Variants in SPTBN1 observed in about 807,000 individuals in gnomAD.
The protein encoded by SPTBN1 is spectrin beta, non-erythrocytic 1.
A neutral mutation model predicts 266.4 loss-of-function variants in SPTBN1; 32 were observed. The ratio of observed to expected loss-of-function variants is 0.12; its 90% CI spans 0.09 to 0.16. The LOEUF is 0.16. SPTBN1 is among the 10% of genes least tolerant of loss of function. The probability of loss-of-function intolerance (pLI) is 1.00; values close to 1 mark genes in which losing one functional copy is unlikely to be tolerated. For synonymous variants in SPTBN1, 1,336 were observed against 1,162.2 expected, an observed-to-expected ratio of 1.15 and a Z score of -3.04; for missense variants, 2,296 against 3,067.1, an observed-to-expected ratio of 0.75 and a Z score of 5.94.
At chr2:54,524,493 C>T (rs1376504423) in intron 1 of SPTBN1, among the ~76,000 whole-genome samples, 3 of 152,120 alleles carry the variant, frequency 2.0e-5, no homozygotes, top group African/African-American at 7.2e-5. Context: ...CAAAGCACAT[C>T]CACCTCTAAG....
At chr2:54,617,306 G>A (rs1407037143) in intron 5 of SPTBN1, among the ~76,000 whole-genome samples, 1 of 152,206 alleles carries the variant, frequency 6.6e-6, no homozygotes, top group African/African-American at 2.4e-5. Context: ...GGCCTCAGAG[G>A]TGTCTAGGTT....
intron 2 of SPTBN1, among the ~76,000 whole-genome samples, chr2:54,588,658 C>G (rs1474914806): frequency 6.6e-6 from 1 of 152,174 alleles, no homozygotes; most frequent in Non-Finnish European, 1.5e-5. Flanking sequence ...CTAGTGCACA[C>G]CTGGGCTTAC....
At chr2:54,468,683 G>A (rs1191584206) in intron 1 of SPTBN1, among the ~76,000 whole-genome samples, 1 of 152,182 alleles carries the variant, frequency 6.6e-6, no homozygotes, top group Non-Finnish European at 1.5e-5. Context: ...GTTTATTATA[G>A]CTGTTTCTCT....
chr2:54,645,845 C>T lies in SPTBN1; in HGVS notation c.4495-83C>T. 6.9e-7 allele frequency: 1 copy of T among 1,448,744 alleles called. No homozygotes were observed. Among genetic ancestry groups the T allele is most frequent in the South Asian group, 1.2e-5 (1 of 85,836 alleles). The allele number at this position is 1,448,744 out of a possible 1,614,324, so 89.7% of individuals were successfully genotyped here. On this transcript the variant is annotated intron_variant, in intron 21 of 35. Transcript: ENST00000356805. The surrounding 1 kb of genome is among the most constrained non-coding windows in gnomAD (Gnocchi z 4.3). ...ACTCTCTGAAGCTCACCCTTGCTGT[C>T]CCTCACTGCCCCTCACTGCTCGTTT...
rs536403074 is a variant in SPTBN1, at chr2:54,457,674, C to T, written c.-48+1156C>T. Among the ~76,000 whole-genome samples, 6 of 152,312 alleles carry T rather than the reference C, an allele frequency of 3.9e-5. No homozygotes were observed. The South Asian group carries it at 1.2e-3, about 32-fold the overall frequency. The stretch of plus-strand genomic sequence containing the variant: ...TCTCGCTGGCGGGGCTTGGCACGGC[C>T]GCTCGGCGCCTGCGGCCCCCGCCCG... On this transcript the variant is annotated intron_variant, in intron 1 of 35. Transcript: ENST00000356805.
chr2:54,638,363 C>A (rs1236149361), intron 18 of SPTBN1, among the ~76,000 whole-genome samples: 1 of 152,194 alleles, frequency 6.6e-6, no homozygotes, highest in Admixed American at 6.5e-5. Flanking sequence ...AAACTGGCTA[C>A]CAAGTAAGAA....
chr2:54,568,481 CTG>C (rs1451876574), intron 2 of SPTBN1, among the ~76,000 whole-genome samples: 1 of 150,728 alleles, frequency 6.6e-6, no homozygotes, highest in African/African-American at 2.4e-5. Flanking sequence ...TTTGAATAAA[CTG>C]GATTATTTTA....
intron 33 of SPTBN1, among the ~76,000 whole-genome samples, chr2:54,665,542 G>C (rs1004531195): frequency 6.6e-6 from 1 of 152,190 alleles, no homozygotes; most frequent in African/African-American, 2.4e-5. Flanking sequence ...CTGGAGGACA[G>C]GCATGTTTTC....
At chr2:54,574,214 G>C (rs1674298181) in intron 2 of SPTBN1, among the ~76,000 whole-genome samples, 1 of 152,106 alleles carries the variant, frequency 6.6e-6, no homozygotes, top group Non-Finnish European at 1.5e-5. Context: ...GAATGCTAGA[G>C]ATAGGGTCAG....
intron 10 of SPTBN1, among the ~76,000 whole-genome samples, 165 bp from the exon 11 acceptor site, chr2:54,624,639 G>A (rs532455014): frequency 3.3e-5 from 5 of 152,224 alleles, no homozygotes; most frequent in Admixed American, 2.6e-4. Flanking sequence ...AGAAAAACCC[G>A]TTTTTTTCCT....
intron 1 of SPTBN1, among the ~76,000 whole-genome samples, chr2:54,507,003 G>A (rs927618215): frequency 8.0e-5 from 12 of 150,662 alleles, no homozygotes; most frequent in African/African-American, 2.5e-5. Flanking sequence ...AGTTCTTACA[G>A]GTTTTGGAAT....
At chr2:54,562,327 A>G (rs1245703647) in intron 2 of SPTBN1, among the ~76,000 whole-genome samples, 1 of 152,114 alleles carries the variant, frequency 6.6e-6, no homozygotes, top group Non-Finnish European at 1.5e-5. Context: ...GAAGTTCCAG[A>G]GTCTAGCTTG....
chr2:54,669,785 C>T lies in SPTBN1; in HGVS notation c.*1216C>T, dbSNP rs1189113178. ...ACATTTTACAACCAGTCTGGGCTCACTTTTGCATTTTTTATGCATGTCTGG... is the reference window on the plus strand; with the variant it reads ...ACATTTTACAACCAGTCTGGGCTCATTTTTGCATTTTTTATGCATGTCTGG... On this transcript the variant is annotated 3_prime_UTR_variant, in exon 36 of 36. Transcript: ENST00000356805. 1 of 152,414 alleles carries T rather than the reference C, an allele frequency of 6.6e-6. No individual in the cohort carries two copies. The highest frequency in any genetic ancestry group is 1.5e-5 in the Non-Finnish European group (1 of 68,038). The allele number at this position is 152,414 out of a possible 1,614,324, so 9.4% of individuals were successfully genotyped here. A position where few individuals can be genotyped will look rare whatever the true frequency, so the allele number is the denominator to read the frequency against.
chr2:54,619,478 G>A (rs1033595595), intron 7 of SPTBN1, among the ~76,000 whole-genome samples: 1 of 151,918 alleles, frequency 6.6e-6, no homozygotes. Context: ...TTCAATCACC[G>A]CCCAGTATGA....
At chr2:54,630,127 G>A in intron 15 of SPTBN1, 98 bp downstream of exon 15, 3 of 1,471,104 alleles carry the variant, frequency 2.0e-6, no homozygotes, top group Non-Finnish European at 2.7e-6. Context: ...TCCCACATGG[G>A]GTCATCGACA....
chr2:54,613,324 G>A (rs922925621), intron 4 of SPTBN1, among the ~76,000 whole-genome samples: 2 of 152,056 alleles, frequency 1.3e-5, no homozygotes, highest in African/African-American at 2.4e-5. Context: ...TGATTTTTCT[G>A]GGTAAACAAA....
intron 1 of SPTBN1, among the ~76,000 whole-genome samples, chr2:54,480,636 T>A (rs1668046943): frequency 6.6e-6 from 1 of 152,240 alleles, no homozygotes; most frequent in Non-Finnish European, 1.5e-5. Context: ...AAGTATTGTG[T>A]TAATTTTTTA....
chr2:54,643,235 T>G, intron 19 of SPTBN1, 106 bp downstream of exon 19: 1 of 1,474,528 alleles, frequency 6.8e-7, no homozygotes, highest in Admixed American at 2.1e-5. Context: ...TATCTGTACA[T>G]TTACGTAAGT....
intron 2 of SPTBN1, among the ~76,000 whole-genome samples, chr2:54,561,593 T>A (rs1276572726): frequency 1.3e-5 from 2 of 152,090 alleles, no homozygotes; most frequent in African/African-American, 4.8e-5. Context: ...AGAATGAGAT[T>A]TGGAGTTCTG....
Sources: gnomAD v4.1 joint callset for allele counts (sites outside exome capture counted in the v4.1 genomes callset) on GRCh38, gnomAD v4.1.1 for gene constraint, Gnocchi (gnomAD v3.1) non-coding constraint, MANE v1.5 for transcripts, NCBI Gene and HGNC (gene_info 2026-07-23, HGNC 2026-07-21) for gene names.